PCDH15: variants seen among roughly 807,000 people sequenced by gnomAD.
PCDH15 encodes the protein protocadherin-15.
A neutral mutation model predicts 178.5 loss-of-function variants in PCDH15; 129 were observed. The ratio of observed to expected loss-of-function variants is 0.72; its 90% CI spans 0.63 to 0.84. The LOEUF (loss-of-function observed/expected upper bound fraction) is 0.84, where lower values mean the gene tolerates loss of function less well. Among genes scored for constraint, PCDH15 ranks in the 40% least tolerant of loss-of-function variants. The probability of loss-of-function intolerance (pLI) is 0.00; values close to 1 mark genes in which losing one functional copy is unlikely to be tolerated. For synonymous variants in PCDH15, 800 were observed against 732.0 expected (o/e 1.09, Z -1.50); for missense variants, 2,230 against 2,099.9 (o/e 1.06, Z -1.21).
chr10:53,961,341 G>T (rs1206754449), intron 22 of PCDH15, among the ~76,000 whole-genome samples: 1 of 151,870 alleles, frequency 6.6e-6, no homozygotes, highest in South Asian at 2.1e-4. Context: ...AAGCAACTCA[G>T]TATTATATTA....
intron 8 of PCDH15, among the ~76,000 whole-genome samples, chr10:54,278,548 C>G (rs2058480244): frequency 6.6e-6 from 1 of 151,318 alleles, no homozygotes; most frequent in African/African-American, 2.4e-5. Flanking sequence ...ATTAGCAGTC[C>G]AAGAGATCAT....
intron 9 of PCDH15, among the ~76,000 whole-genome samples, chr10:54,233,107 C>T (rs1205965245): frequency 6.6e-6 from 1 of 151,756 alleles, no homozygotes; most frequent in East Asian, 1.9e-4. Flanking sequence ...CTATGCCCAG[C>T]TAATTCTTGT....
intron 2 of PCDH15, among the ~76,000 whole-genome samples, chr10:54,557,014 C>T (rs1304860216): frequency 1.3e-5 from 2 of 152,060 alleles, no homozygotes; most frequent in Non-Finnish European, 2.9e-5. Context: ...TTTGACTTTA[C>T]TTTATCAGAA....
At chr10:54,522,515 T>C (rs1264758777) in intron 3 of PCDH15, among the ~76,000 whole-genome samples, 3 of 152,200 alleles carry the variant, frequency 2.0e-5, no homozygotes, top group Non-Finnish European at 4.4e-5. Flanking sequence ...TGCTCTAATG[T>C]AATTTCCTCA....
intron 2 of PCDH15, among the ~76,000 whole-genome samples, chr10:55,537,812 A>G (rs1378310763): frequency 6.6e-6 from 1 of 152,206 alleles, no homozygotes; most frequent in Non-Finnish European, 1.5e-5. Context: ...ATTTATTAAA[A>G]CAACCTTTCA....
At chr10:54,555,363 G>C (rs2087083043) in intron 2 of PCDH15, among the ~76,000 whole-genome samples, 1 of 152,050 alleles carries the variant, frequency 6.6e-6, no homozygotes, top group Non-Finnish European at 1.5e-5. Context: ...CATTTAATAG[G>C]TAGGGATTTC....
At chr10:53,995,956 T>C (rs2091822802) in intron 20 of PCDH15, among the ~76,000 whole-genome samples, 191 bp from the exon 21 acceptor site, 3 of 152,128 alleles carry the variant, frequency 2.0e-5, no homozygotes, top group Non-Finnish European at 2.9e-5. Flanking sequence ...ACAATATTAA[T>C]GTGTGGATAT....
intron 1 of PCDH15, among the ~76,000 whole-genome samples, chr10:54,674,578 G>A (rs4935538): frequency 0.88 from 133,095 of 152,064 alleles, 58,892 homozygotes; most frequent in Middle Eastern, 0.93. Context: ...AATCTACATG[G>A]TTAAAGAAAT....
chr10:54,187,071 T>C (rs2048536356), intron 11 of PCDH15, among the ~76,000 whole-genome samples: 1 of 151,966 alleles, frequency 6.6e-6, no homozygotes, highest in African/African-American at 2.4e-5. Flanking sequence ...TAAGCACATA[T>C]ACACTTCTCT....
chr10:55,589,645 G>T (rs557981861), intron 2 of PCDH15, among the ~76,000 whole-genome samples: 3,191 of 152,154 alleles, frequency 0.021, 113 homozygotes, highest in African/African-American at 0.073. Context: ...ATCAAAAAAT[G>T]GGCGAAGGAT....
At chr10:55,349,368 T>C (rs1039691615) in intron 2 of PCDH15, among the ~76,000 whole-genome samples, 7 of 152,184 alleles carry the variant, frequency 4.6e-5, no homozygotes, top group Non-Finnish European at 8.8e-5. Flanking sequence ...TTTTCATGTA[T>C]TTTTTCATTA....
chr10:54,748,081 A>T (rs2132924698), intron 1 of PCDH15, among the ~76,000 whole-genome samples: 1 of 152,142 alleles, frequency 6.6e-6, no homozygotes, highest in South Asian at 2.1e-4. Flanking sequence ...CTGGAATTAC[A>T]AGGCGTGAGC....
At chr10:54,135,193 A>C (rs1457523576) in intron 14 of PCDH15, among the ~76,000 whole-genome samples, 1 of 137,898 alleles carries the variant, frequency 7.3e-6, no homozygotes, top group Non-Finnish European at 1.5e-5. Flanking sequence ...ACAGGGCGAG[A>C]CTCTGTCTCA....
chr10:55,558,167 T>C (rs1250549423), intron 2 of PCDH15, among the ~76,000 whole-genome samples: 1 of 152,074 alleles, frequency 6.6e-6, no homozygotes, highest in African/African-American at 2.4e-5. Context: ...CATGGGCTTC[T>C]GTTCACCAGG....
chr10:55,509,973 T>A (rs1346829536), intron 2 of PCDH15, among the ~76,000 whole-genome samples: 2 of 151,964 alleles, frequency 1.3e-5, no homozygotes, highest in Non-Finnish European at 2.9e-5. Flanking sequence ...AGTTTAATAG[T>A]GAAGGCAGGA....
intron 2 of PCDH15, chr10:54,575,162 A>AG (rs2090325527): frequency 1.2e-5 from 1 of 86,624 alleles, no homozygotes; most frequent in South Asian, 4.9e-4. Flanking sequence ...GGGTGGGGGG[A>AG]GGGGGGAGGG....
intron 3 of PCDH15, among the ~76,000 whole-genome samples, chr10:54,811,596 G>C (rs1314256865): frequency 1.3e-5 from 2 of 151,870 alleles, no homozygotes; most frequent in Non-Finnish European, 2.9e-5. Flanking sequence ...TCAGCCTCCT[G>C]AGTCGCTGGG....
intron 30 of PCDH15, among the ~76,000 whole-genome samples, chr10:53,830,637 A>C (rs988156453): frequency 2.6e-5 from 4 of 152,306 alleles, no homozygotes; most frequent in African/African-American, 9.6e-5. Flanking sequence ...AATTAGTGAT[A>C]ATTACTTGAC....
At chr10:54,312,247 GA>G (rs1203683817) in intron 8 of PCDH15, among the ~76,000 whole-genome samples, 2 of 152,066 alleles carry the variant, frequency 1.3e-5, no homozygotes, top group African/African-American at 2.4e-5. Context: ...ACAGTAATTT[GA>G]ATGTGAAGCT....
Sources: allele counts gnomAD v4.1 joint callset (sites outside exome capture counted in the v4.1 genomes callset), GRCh38; gene constraint gnomAD v4.1.1; transcripts MANE v1.5; gene names NCBI Gene and HGNC (gene_info 2026-07-23, HGNC 2026-07-21).